XKR6: variants seen among roughly 807,000 people sequenced by gnomAD.
XKR6 encodes XK-related protein 6.
In XKR6, 22 loss-of-function variants were observed where a neutral mutation model predicts 56.7. That is an observed-to-expected ratio of 0.39 (90% CI 0.28 to 0.55). XKR6 has a LOEUF of 0.55. Ranked by LOEUF, XKR6 falls within the 20% of genes least tolerant of loss-of-function variation. The probability of loss-of-function intolerance (pLI) is 0.66; values close to 1 mark genes in which losing one functional copy is unlikely to be tolerated. For synonymous variants in XKR6, 524 were observed against 387.8 expected (o/e 1.35, Z -4.13); for missense variants, 852 against 889.0 (o/e 0.96, Z 0.53).
At chr8:11,145,948 T>C (rs1180517212) in intron 1 of XKR6, among the ~76,000 whole-genome samples, 1 of 151,982 alleles carries the variant, frequency 6.6e-6, no homozygotes, top group South Asian at 2.1e-4. Context: ...GACTTTATAA[T>C]GAAAAACCTA....
chr8:10,956,902 C>G (rs1373094277), intron 1 of XKR6, among the ~76,000 whole-genome samples: 4 of 152,198 alleles, frequency 2.6e-5, no homozygotes, highest in African/African-American at 9.7e-5. Flanking sequence ...AATGTGTACC[C>G]TGGCACCTTG....
intron 1 of XKR6, among the ~76,000 whole-genome samples, chr8:10,965,349 G>A (rs1056739950): frequency 6.6e-6 from 1 of 152,184 alleles, no homozygotes; most frequent in Non-Finnish European, 1.5e-5. Context: ...AGGCTCCTCC[G>A]AGCACCACGG....
At chr8:11,048,822 C>T (rs959643409) in intron 1 of XKR6, among the ~76,000 whole-genome samples, 3 of 152,218 alleles carry the variant, frequency 2.0e-5, no homozygotes, top group Non-Finnish European at 2.9e-5. Flanking sequence ...AGGCCTACAG[C>T]CTCTGCTCTG....
chr8:10,976,186 A>C (rs1318144097), intron 1 of XKR6, among the ~76,000 whole-genome samples: 8 of 142,644 alleles, frequency 5.6e-5, no homozygotes, highest in Non-Finnish European at 4.5e-5. Context: ...AAGAAAAAAA[A>C]AAAGTGCCCC....
At chr8:11,133,337 A>G (rs928795148) in intron 1 of XKR6, among the ~76,000 whole-genome samples, 2 of 152,122 alleles carry the variant, frequency 1.3e-5, no homozygotes, top group Non-Finnish European at 2.9e-5. Flanking sequence ...CACTGTAGCA[A>G]TAATCGTTCC....
chr8:10,930,638 T>A (rs1037390166), intron 1 of XKR6, among the ~76,000 whole-genome samples: 3 of 152,202 alleles, frequency 2.0e-5, no homozygotes, highest in Non-Finnish European at 4.4e-5. Flanking sequence ...GAAAGGCTGG[T>A]CCAATATTCA....
chr8:10,951,251 G>A (rs897463029), intron 1 of XKR6, among the ~76,000 whole-genome samples: 4 of 149,558 alleles, frequency 2.7e-5, no homozygotes, highest in Non-Finnish European at 4.5e-5. Flanking sequence ...GGGGGACAAG[G>A]GCTGTGGGGA....
At chr8:11,012,406 T>C (rs991893442) in intron 1 of XKR6, among the ~76,000 whole-genome samples, 1 of 152,224 alleles carries the variant, frequency 6.6e-6, no homozygotes, top group Non-Finnish European at 1.5e-5. Flanking sequence ...AGTTAATACA[T>C]GTAAAGTGTT....
rs981991889 is a variant in XKR6, at chr8:11,151,179, G to A, written c.764+49397C>T. Among the ~76,000 whole-genome samples, 7 of 151,994 alleles carry A rather than the reference G, an allele frequency of 4.6e-5. No homozygotes were observed. In the East Asian group the frequency reaches 7.7e-4, roughly 17 times the overall value. ...CAAGTGACATACTCATTGGATATTT[G>A]GAAAATAATAATTTTTGTCCCAAAA... On this transcript the variant is annotated intron_variant, in intron 1 of 2. Transcript: ENST00000416569.
At chr8:11,169,446 T>A (rs939825963) in intron 1 of XKR6, among the ~76,000 whole-genome samples, 1 of 151,948 alleles carries the variant, frequency 6.6e-6, no homozygotes, top group Non-Finnish European at 1.5e-5. Context: ...GAATATTATT[T>A]GGTCTTAAAA....
intron 1 of XKR6, among the ~76,000 whole-genome samples, chr8:11,125,088 C>G (rs1009755565): frequency 1.3e-5 from 1 of 77,614 alleles, no homozygotes; most frequent in Non-Finnish European, 2.6e-5. Context: ...GACTCTGTCT[C>G]AAAAAAAAAA....
At chr8:10,992,926 C>T (rs1311205701) in intron 1 of XKR6, among the ~76,000 whole-genome samples, 1 of 152,214 alleles carries the variant, frequency 6.6e-6, no homozygotes, top group East Asian at 1.9e-4. Flanking sequence ...AGGTGGCAAA[C>T]TACCTGAGAA....
In XKR6 at chr8:11,201,036, C is replaced by T; in HGVS notation, c.304G>A (p.Gly102Ser). The T allele has an allele frequency of 1.7e-6, 2 of 1,203,154 alleles. No individual in the cohort carries two copies. Among genetic ancestry groups the T allele is most frequent in the South Asian group, 4.0e-5 (1 of 24,732 alleles). 74.5% of individuals were successfully genotyped at this position (1,203,154 alleles called of 1,614,324 possible). ...GGCGTCGGGGGTTGGCGGCCGGCGC[C>T]GGGGGCCGCGGGAGGCTGCAGCGGC... ...DQPLQPPAAP[G>S]AGRQPPTPSA... is the part of the protein sequence containing the mutation. The change falls in exon 1 of 3, where the codon GGC (glycine) becomes AGC (serine). Residue 102 changes from glycine to serine, a missense_variant. By Grantham distance (56) the Gly-to-Ser change is moderately conservative (BLOSUM62 0). Around this residue, in one of 4 missense-constraint regions of XKR6, gnomAD observed 417 missense variants for 355.2 expected, o/e 1.17. Coordinates refer to ENST00000416569, the MANE Select transcript of XKR6 (RefSeq NM_173683.4).
At chr8:11,061,466 CAAA>C (rs34109727) in intron 1 of XKR6, among the ~76,000 whole-genome samples, 98 of 145,038 alleles carry the variant, frequency 6.8e-4, no homozygotes, top group Middle Eastern at 3.4e-3. Flanking sequence ...GACCCTGTCT[CAAA>C]AAAAAAAAAA....
chr8:11,000,197 C>A (rs937930555), intron 1 of XKR6, among the ~76,000 whole-genome samples: 4 of 152,150 alleles, frequency 2.6e-5, no homozygotes, highest in Admixed American at 1.3e-4. Flanking sequence ...TCCTTCTACT[C>A]ATTCTAGGTG....
chr8:10,931,784 A>G (rs995336027), intron 1 of XKR6, among the ~76,000 whole-genome samples: 1 of 152,130 alleles, frequency 6.6e-6, no homozygotes, highest in Admixed American at 6.5e-5. Flanking sequence ...TGTACCTTGT[A>G]TCAGACAAAG....
chr8:10,902,800 G>GCC (rs1197786499), intron 2 of XKR6, among the ~76,000 whole-genome samples: 1 of 152,216 alleles, frequency 6.6e-6, no homozygotes, highest in East Asian at 1.9e-4. Context: ...TGATGTGCCT[G>GCC]CCCCTCTCTC....
chr8:11,040,091 G>C (rs1446696535), intron 1 of XKR6, among the ~76,000 whole-genome samples: 1 of 152,124 alleles, frequency 6.6e-6, no homozygotes, highest in South Asian at 2.1e-4. Context: ...GGCCCAGGCA[G>C]TTCCTTGGGA....
At chr8:11,099,918 G>T (rs1287804789) in intron 1 of XKR6, among the ~76,000 whole-genome samples, 1 of 152,226 alleles carries the variant, frequency 6.6e-6, no homozygotes, top group East Asian at 1.9e-4. Context: ...AAGCACATGG[G>T]GAGGAGCATC....
Sources: gnomAD v4.1 joint callset for allele counts (sites outside exome capture counted in the v4.1 genomes callset) on GRCh38, gnomAD v4.1.1 for gene constraint, gnomAD v4.1.1 regional missense constraint, MANE v1.5 for transcripts, NCBI Gene and HGNC (gene_info 2026-07-23, HGNC 2026-07-21) for gene names.